ADGRL3: variants seen among roughly 807,000 people sequenced by gnomAD.
ADGRL3 encodes the protein calcium-independent alpha-latrotoxin receptor 3.
Under a neutral mutation model 153.5 loss-of-function variants are expected in ADGRL3, and 62 were observed. The ratio of observed to expected loss-of-function variants is 0.40; its 90% CI spans 0.33 to 0.50. ADGRL3 has a LOEUF of 0.50. ADGRL3 is among the 20% of genes least tolerant of loss of function. The pLI is 0.47. For synonymous variants in ADGRL3, 710 were observed against 672.5 expected (o/e 1.06, Z -0.86); for missense variants, 1,641 against 1,859.4 (o/e 0.88, Z 2.16).
Position 61,733,266 on chromosome 4 carries a change from A to G in ADGRL3, c.1111A>G (p.Thr371Ala). 1.2e-6 allele frequency: 2 copies of G among 1,613,820 alleles called. No homozygotes were observed. The highest frequency in any genetic ancestry group is 1.1e-5 in the South Asian group (1 of 91,072). ...CCTACGGATCGAAGGAACATGGGAT[A>G]CTGCATATGATAAAAGGTCAGCTTC... is the stretch of plus-strand genomic sequence containing the variant. Reference protein sequence around the residue: ...YTLRIEGTWDTAYDKRSASNA... With the variant: ...YTLRIEGTWDAAYDKRSASNA... The change falls in exon 8 of 27, where the codon ACT (threonine) becomes GCT (alanine). Residue 371 changes from threonine to alanine, a missense_variant. Transcript: ENST00000683033.
chr4:61,474,257 C>A (rs554195791), intron 2 of ADGRL3, among the ~76,000 whole-genome samples: 1 of 152,092 alleles, frequency 6.6e-6, no homozygotes, highest in South Asian at 2.1e-4. Context: ...TCCTTTTATG[C>A]GAATAACTTC....
At chr4:61,565,263 T>G (rs2098811815) in intron 4 of ADGRL3, among the ~76,000 whole-genome samples, 1 of 152,224 alleles carries the variant, frequency 6.6e-6, no homozygotes, top group Non-Finnish European at 1.5e-5. Context: ...GTTCTTTTCA[T>G]ATCATCTATT....
chr4:61,993,164 T>TTGTGTG (rs3065140), intron 19 of ADGRL3, among the ~76,000 whole-genome samples: 39,935 of 138,198 alleles, frequency 0.29, 6,082 homozygotes, highest in East Asian at 0.47. Flanking sequence ...TGGGCTGCAG[T>TTGTGTG]TGTGTGTGTG....
chr4:62,014,552 A>G (rs2099202483), intron 21 of ADGRL3, among the ~76,000 whole-genome samples: 1 of 152,178 alleles, frequency 6.6e-6, no homozygotes, highest in Non-Finnish European at 1.5e-5. Context: ...GTCACTTACA[A>G]TCTTGGGCAA....
At chr4:61,772,441 G>C (rs1157547716) in intron 8 of ADGRL3, among the ~76,000 whole-genome samples, 1 of 152,160 alleles carries the variant, frequency 6.6e-6, no homozygotes, top group Non-Finnish European at 1.5e-5. Flanking sequence ...CTGGGACTCT[G>C]TAACCAAAGA....
rs557395925 is a variant in ADGRL3 at position 61,511,956 on chromosome 4, G to T, written c.56-5359G>T. On this transcript the variant is annotated intron_variant, in intron 3 of 26. Coordinates refer to ENST00000683033, the MANE Select transcript of ADGRL3 (RefSeq NM_001387552.1). ...GCAGCTATCATATACACCTTAGGGAGAAATCAAGAAAGATATAATCTTTTA... is the reference window on the plus strand; with the variant it reads ...GCAGCTATCATATACACCTTAGGGATAAATCAAGAAAGATATAATCTTTTA... 7.0e-4 allele frequency among the ~76,000 whole-genome samples: 107 copies of T among 152,238 alleles called. 1 individual carries two copies. The highest frequency in any genetic ancestry group is 1.3e-3 in the Non-Finnish European group (90 of 68,010).
intron 9 of ADGRL3, among the ~76,000 whole-genome samples, chr4:61,819,951 G>A (rs747495812): frequency 6.6e-6 from 1 of 151,852 alleles, no homozygotes; most frequent in Non-Finnish European, 1.5e-5. Flanking sequence ...CCTCACCTGT[G>A]AATCATTTTA....
At chr4:61,734,589 C>T (rs950185274) in intron 8 of ADGRL3, among the ~76,000 whole-genome samples, 1 of 152,106 alleles carries the variant, frequency 6.6e-6, no homozygotes, top group Non-Finnish European at 1.5e-5. Context: ...GGGGAGACTG[C>T]CCCCATGATC....
intron 4 of ADGRL3, among the ~76,000 whole-genome samples, chr4:61,565,240 T>C (rs186044712): frequency 1.3e-5 from 2 of 152,292 alleles, no homozygotes; most frequent in East Asian, 3.9e-4. Context: ...ACACATACAC[T>C]GACATAATGT....
At chr4:62,069,855 G>A (rs1273995738) in intron 26 of ADGRL3, among the ~76,000 whole-genome samples, 1 of 151,886 alleles carries the variant, frequency 6.6e-6, no homozygotes, top group Non-Finnish European at 1.5e-5. Context: ...ATAATTTATA[G>A]GTTTTTAAAA....
chr4:61,972,673 A>C (rs1176254257), intron 17 of ADGRL3, among the ~76,000 whole-genome samples: 1 of 152,128 alleles, frequency 6.6e-6, no homozygotes, highest in African/African-American at 2.4e-5. Context: ...ACTTTAAAGT[A>C]GTTTTTTCCA....
chr4:61,747,578 A>G (rs1021848102), intron 8 of ADGRL3, among the ~76,000 whole-genome samples: 4 of 146,460 alleles, frequency 2.7e-5, no homozygotes, highest in South Asian at 2.2e-4. Flanking sequence ...AATGTAATCC[A>G]GCATATAAAC....
At chr4:61,412,064 G>A (rs2152272157) in intron 2 of ADGRL3, among the ~76,000 whole-genome samples, 1 of 149,672 alleles carries the variant, frequency 6.7e-6, no homozygotes, top group Admixed American at 6.8e-5. Context: ...TGGTTCTCTT[G>A]TCTCAGAAAG....
chr4:61,707,013 T>C (rs945602039), intron 6 of ADGRL3, among the ~76,000 whole-genome samples: 2 of 152,128 alleles, frequency 1.3e-5, no homozygotes, highest in African/African-American at 4.8e-5. Context: ...TTAGAGGCCA[T>C]TGCAGGATTA....
chr4:61,372,722 G>A (rs1357716763), intron 1 of ADGRL3, among the ~76,000 whole-genome samples: 2 of 152,284 alleles, frequency 1.3e-5, no homozygotes, highest in East Asian at 3.9e-4. Context: ...GCCTACAGAG[G>A]CAGGCAGGCC....
Position 61,828,425 on chromosome 4 carries a change from G to A in ADGRL3, c.1480+14536G>A, listed in dbSNP as rs146390255. ...ATTAAAAAAAGCGCAGGGTGCGGGG[G>A]ATGGGGTGGTGGATGTAGGGGCAAA... On this transcript the variant is annotated intron_variant, in intron 9 of 26. Transcript: ENST00000683033. Among the ~76,000 whole-genome samples the A allele has an allele frequency of 7.4e-3, 1,127 of 152,246 alleles. 10 individuals are homozygous for A. Among genetic ancestry groups the A allele is most frequent in the Middle Eastern group, 0.01 (3 of 294 alleles).
chr4:61,303,226 C>G (rs558500494), intron 1 of ADGRL3, among the ~76,000 whole-genome samples: 131 of 152,284 alleles, frequency 8.6e-4, no homozygotes, highest in Non-Finnish European at 1.1e-3. Context: ...ACAATGCCTA[C>G]TTTGAAAGCC....
intron 2 of ADGRL3, among the ~76,000 whole-genome samples, chr4:61,448,845 A>AGGGAGGGTAGG (rs1299023834): frequency 9.8e-5 from 1 of 10,236 alleles, no homozygotes; most frequent in Non-Finnish European, 3.4e-4. Flanking sequence ...GGAGGGAAGG[A>AGGGAGGGTAGG]AGGGAAGGAA....
chr4:62,072,080 G>A lies in ADGRL3; in HGVS notation c.*1172G>A, dbSNP rs945679575. On this transcript the variant is annotated 3_prime_UTR_variant, in exon 27 of 27. Transcript: ENST00000683033. Reference sequence around the variant, plus strand: ...TGTCTATAGAACTAGTGGGGCTTCTGCATGTGAAAAACGGTTTTCCATAGG... The same window carrying A: ...TGTCTATAGAACTAGTGGGGCTTCTACATGTGAAAAACGGTTTTCCATAGG... The A allele has an allele frequency of 6.5e-6, 1 of 154,766 alleles. No homozygotes were observed. Among genetic ancestry groups the A allele is most frequent in the African/African-American group, 2.4e-5 (1 of 41,438 alleles). 9.6% of individuals were successfully genotyped at this position (154,766 alleles called of 1,614,324 possible).
Sources: allele counts gnomAD v4.1 joint callset (sites outside exome capture counted in the v4.1 genomes callset), GRCh38; gene constraint gnomAD v4.1.1; transcripts MANE v1.5; gene names NCBI Gene and HGNC (gene_info 2026-07-23, HGNC 2026-07-21).